TRIP11: variants seen among roughly 807,000 people sequenced by gnomAD.
TRIP11 encodes thyroid hormone receptor interactor 11.
Under a neutral mutation model 223.1 loss-of-function variants are expected in TRIP11, and 148 were observed. The ratio of observed to expected loss-of-function variants is 0.66; its 90% CI spans 0.58 to 0.76. The LOEUF is 0.76. Ranked by LOEUF, TRIP11 falls within the 30% of genes least tolerant of loss-of-function variation. The pLI, the probability that TRIP11 is intolerant of heterozygous loss-of-function variation, is 0.00. For missense variants in TRIP11, 2,043 were observed against 2,222.0 expected, an observed-to-expected ratio of 0.92 and a Z score of 1.62; for synonymous variants, 762 against 772.6, an observed-to-expected ratio of 0.99 and a Z score of 0.23.
chr14:91,968,624 T>C lies in TRIP11; in HGVS notation c.*1049A>G, dbSNP rs1435629362. ...TTAGTTTTAAGATGGTATCTTTAAATAGATACCTTAGCTGTTAAAACTAAG... is the reference window on the plus strand; with the variant it reads ...TTAGTTTTAAGATGGTATCTTTAAACAGATACCTTAGCTGTTAAAACTAAG... On this transcript the variant is annotated 3_prime_UTR_variant, in exon 21 of 21. Coordinates refer to ENST00000267622, the MANE Select transcript of TRIP11 (RefSeq NM_004239.4). 4.5e-6 allele frequency: 1 copy of C among 222,422 alleles called. No homozygotes were observed. The highest frequency in any genetic ancestry group is 5.8e-5 in the Admixed American group (1 of 17,380). 13.8% of individuals were successfully genotyped at this position (222,422 alleles called of 1,614,324 possible).
intron 20 of TRIP11, among the ~76,000 whole-genome samples, chr14:91,972,395 T>C (rs1389515304): frequency 6.6e-6 from 1 of 152,234 alleles, no homozygotes; most frequent in Non-Finnish European, 1.5e-5. Context: ...CCAAGAAAGA[T>C]GTAACCAATT....
intron 10 of TRIP11, among the ~76,000 whole-genome samples, chr14:92,007,055 T>C (rs1430170119): frequency 7.0e-6 from 1 of 143,640 alleles, no homozygotes; most frequent in Non-Finnish European, 1.5e-5. Flanking sequence ...TGAGACAGAG[T>C]CGCTCTGTTG....
At chr14:92,012,007 A>C (rs1013606765) in intron 7 of TRIP11, among the ~76,000 whole-genome samples, 5 of 149,886 alleles carry the variant, frequency 3.3e-5, no homozygotes, top group African/African-American at 1.2e-4. Context: ...ATTAAAATCC[A>C]AGTCTATGGA....
intron 12 of TRIP11, 76 bp from the exon 13 acceptor site, chr14:91,999,509 T>C: frequency 1.4e-6 from 2 of 1,462,490 alleles, no homozygotes; most frequent in Non-Finnish European, 1.9e-6. Context: ...TATCAAATCT[T>C]TTTCCCATTA....
chr14:91,974,199 G>A (rs1595364784), intron 19 of TRIP11, among the ~76,000 whole-genome samples: 2 of 152,156 alleles, frequency 1.3e-5, no homozygotes, highest in South Asian at 2.1e-4. Flanking sequence ...GGCAGGCGCC[G>A]TTTCTATCCA....
intron 2 of TRIP11, among the ~76,000 whole-genome samples, chr14:92,026,342 T>C (rs953413877): frequency 1.3e-5 from 2 of 152,222 alleles, no homozygotes; most frequent in Admixed American, 6.5e-5. Flanking sequence ...ATTACTCAAA[T>C]TGTATGTACC....
intron 13 of TRIP11, among the ~76,000 whole-genome samples, chr14:91,997,124 T>C (rs992957997): frequency 3.9e-5 from 6 of 152,184 alleles, no homozygotes; most frequent in African/African-American, 1.4e-4. Flanking sequence ...CTGGACCTTG[T>C]TCAACTTTGT....
intron 7 of TRIP11, among the ~76,000 whole-genome samples, 155 bp from the exon 8 acceptor site, chr14:92,011,950 T>C (rs1468235134): frequency 1.3e-5 from 2 of 152,206 alleles, no homozygotes; most frequent in African/African-American, 4.8e-5. Context: ...GTATTCCTGT[T>C]TTGTCATATC....
chr14:92,011,319 G>A lies in TRIP11; in HGVS notation c.1228-247C>T, dbSNP rs560844909. ...ATCCTGGCTAACACAGTGAAACCCC[G>A]TCTCTACTAAAAATACAAAAAATTA... On this transcript the variant is annotated intron_variant, in intron 8 of 20. Coordinates refer to ENST00000267622, the MANE Select transcript of TRIP11 (RefSeq NM_004239.4). 5.7e-4 allele frequency among the ~76,000 whole-genome samples: 87 copies of A among 151,438 alleles called. No homozygotes were observed. The South Asian group carries it at 0.012, about 20-fold the overall frequency.
chr14:91,977,563 A>G (rs74071683), intron 16 of TRIP11, among the ~76,000 whole-genome samples: 1,588 of 150,066 alleles, frequency 0.011, 17 homozygotes, highest in African/African-American at 0.036. Flanking sequence ...ATATTTCTAG[A>G]CTCTAAATTC....
chr14:92,020,412 G>A (rs2057096669), intron 4 of TRIP11, among the ~76,000 whole-genome samples: 1 of 151,982 alleles, frequency 6.6e-6, no homozygotes, highest in Non-Finnish European at 1.5e-5. Flanking sequence ...GCCCCAAATA[G>A]CAAAATATTA....
At chr14:92,000,509 T>C (rs1316250350) in intron 11 of TRIP11, among the ~76,000 whole-genome samples, 1 of 152,208 alleles carries the variant, frequency 6.6e-6, no homozygotes, top group African/African-American at 2.4e-5. Flanking sequence ...CAATGTAAGA[T>C]GTTAACAAGG....
At chr14:91,987,440 G>C (rs1400724501) in intron 16 of TRIP11, among the ~76,000 whole-genome samples, 1 of 152,080 alleles carries the variant, frequency 6.6e-6, no homozygotes, top group Admixed American at 6.6e-5. Context: ...TGCTTCTGTT[G>C]TTGACAGCTC....
intron 1 of TRIP11, among the ~76,000 whole-genome samples, chr14:92,035,997 T>C (rs1383617530): frequency 6.6e-6 from 1 of 152,184 alleles, no homozygotes; most frequent in East Asian, 1.9e-4. Flanking sequence ...CAAGCTTGGT[T>C]TAAATCAAAA....
rs760535672 is a variant in TRIP11 at position 92,004,480 on chromosome 14, T to C, written c.3496A>G (p.Ile1166Val). The C allele has an allele frequency of 1.9e-6, 3 of 1,613,416 alleles. No homozygotes were observed. The highest frequency in any genetic ancestry group is 2.5e-6 in the Non-Finnish European group (3 of 1,180,040). ...RETIQNLSRI[I>V]REKDIEIDAL... ...TCTATTTCGATGTCTTTTTCTCGAA[T>C]GATACGTGATAAATTCTGAATAGTT... Residue 1166 changes from isoleucine to valine, a missense_variant, in exon 11 of 21, where the codon ATT becomes GTT. By Grantham distance (29) the Ile-to-Val change is conservative. Coordinates refer to ENST00000267622, the MANE Select transcript of TRIP11 (RefSeq NM_004239.4).
rs1468449841 is a variant in TRIP11, at chr14:91,995,405, T to C, written c.5003A>G (p.Gln1668Arg). ...CAGGTTGGCCAGTGACAGAGCATAC[T>C]GCTTTACTTGTTCCTGAGAGACAGA... Reference protein sequence around the residue: ...QLSVSQEQVKQYALSLANLQM... With the variant: ...QLSVSQEQVKRYALSLANLQM... Residue 1668 changes from glutamine to arginine, a missense_variant, in exon 14 of 21, where the codon CAG becomes CGG. Coordinates refer to ENST00000267622, the MANE Select transcript of TRIP11 (RefSeq NM_004239.4). 10 of 1,614,160 alleles carry C rather than the reference T, an allele frequency of 6.2e-6. No individual in the cohort carries two copies. In the South Asian group the frequency reaches 1.1e-4, roughly 18 times the overall value.
chr14:91,993,755 A>G lies in TRIP11; in HGVS notation c.5160+54T>C, dbSNP rs1052402179. 3 of 1,386,378 alleles carry G rather than the reference A, an allele frequency of 2.2e-6. No homozygotes were observed. In the African/African-American group the frequency reaches 4.3e-5, roughly 20 times the overall value. The allele number at this position is 1,386,378 out of a possible 1,614,324, so 85.9% of individuals were successfully genotyped here. ...ATTATTTCCAAGACAAAGACTCTAC[A>G]AGTAACTGTTCCATGAATAATAAAA... On this transcript the variant is annotated intron_variant, in intron 15 of 20. Coordinates refer to ENST00000267622, the MANE Select transcript of TRIP11 (RefSeq NM_004239.4).
At chr14:91,987,974 G>A (rs545003234) in intron 16 of TRIP11, among the ~76,000 whole-genome samples, 2 of 152,306 alleles carry the variant, frequency 1.3e-5, no homozygotes, top group African/African-American at 4.8e-5. Flanking sequence ...GAACTGATAA[G>A]GGAGAAATCA....
rs373454645 is a variant in TRIP11 at position 92,003,848 on chromosome 14, C to T, written c.4128G>A (p.Ser1376=). The T allele has an allele frequency of 6.2e-6, 10 of 1,613,886 alleles. No homozygotes were observed. The Admixed American group carries it at 6.7e-5, about 11-fold the overall frequency. ...TTTCTAGCTCTGAGGTGGCAGCAAT[C>T]GAATCAGACAATCTGTGGTTATTTT... The part of the protein sequence containing the change: ...LQENNHRLSD[S]IAATSELERK... Residue 1376 remains serine, a synonymous_variant, in exon 11 of 21, where the codon TCG becomes TCA. Transcript: ENST00000267622.
Sources: gnomAD v4.1 joint callset for allele counts (sites outside exome capture counted in the v4.1 genomes callset) on GRCh38, gnomAD v4.1.1 for gene constraint, MANE v1.5 for transcripts, NCBI Gene and HGNC (gene_info 2026-07-23, HGNC 2026-07-21) for gene names.